SPAG16: variants seen among roughly 807,000 people sequenced by gnomAD.
The protein encoded by SPAG16 is sperm-associated antigen 16 protein.
Under a neutral mutation model 80.4 loss-of-function variants are expected in SPAG16, and 86 were observed. The ratio of observed to expected loss-of-function variants is 1.07; its 90% CI spans 0.90 to 1.28. SPAG16 has a LOEUF of 1.28. Among genes scored for constraint, SPAG16 ranks in the 50% most tolerant of loss-of-function variants. The probability of loss-of-function intolerance (pLI) is 0.00; values close to 1 mark genes in which losing one functional copy is unlikely to be tolerated. For synonymous variants in SPAG16, 294 were observed against 265.9 expected (o/e 1.11, Z -1.03); for missense variants, 870 against 765.3 (o/e 1.14, Z -1.61).
intron 10 of SPAG16, among the ~76,000 whole-genome samples, chr2:213,546,206 A>T (rs915378665): frequency 2.6e-5 from 4 of 152,040 alleles, no homozygotes; most frequent in Non-Finnish European, 5.9e-5. Context: ...CCTCTTTTGT[A>T]TCCCTCTCTG....
chr2:213,971,764 G>A (rs1193195581), intron 12 of SPAG16, among the ~76,000 whole-genome samples: 1 of 152,126 alleles, frequency 6.6e-6, no homozygotes, highest in African/African-American at 2.4e-5. Context: ...TTGAGAAACA[G>A]TGTAAGTGTT....
chr2:213,468,156 G>A (rs1478274833), intron 9 of SPAG16, among the ~76,000 whole-genome samples: 2 of 151,996 alleles, frequency 1.3e-5, no homozygotes, highest in African/African-American at 2.4e-5. Flanking sequence ...ATAGAGAGGT[G>A]TACCAAGGCT....
At chr2:214,405,987 G>A (rs1701977516) in intron 15 of SPAG16, among the ~76,000 whole-genome samples, 2 of 152,064 alleles carry the variant, frequency 1.3e-5, no homozygotes, top group African/African-American at 4.8e-5. Context: ...ACAAAGAAAT[G>A]GGCTCAAACC....
At chr2:214,204,227 G>A (rs1454509033) in intron 15 of SPAG16, among the ~76,000 whole-genome samples, 1 of 152,132 alleles carries the variant, frequency 6.6e-6, no homozygotes, top group Non-Finnish European at 1.5e-5. Flanking sequence ...CTCACCTGAT[G>A]GTCTTTCTGT....
chr2:214,052,231 A>G (rs973491316), intron 13 of SPAG16, among the ~76,000 whole-genome samples: 5 of 152,232 alleles, frequency 3.3e-5, no homozygotes, highest in African/African-American at 1.2e-4. Context: ...TACCTATTGC[A>G]GTTTTTCCTA....
At position 214,410,424 on chromosome 2, in the gene SPAG16, C is replaced by T. The variant is rs919518857; in HGVS notation, c.*109C>T. 2 of 1,045,978 alleles carry T rather than the reference C, an allele frequency of 1.9e-6. No individual in the cohort carries two copies. Among genetic ancestry groups the T allele is most frequent in the South Asian group, 3.4e-5 (2 of 58,382 alleles). The allele number at this position is 1,045,978 out of a possible 1,614,324, so 64.8% of individuals were successfully genotyped here. A position where few individuals can be genotyped will look rare whatever the true frequency, so the allele number is the denominator to read the frequency against. On this transcript the variant is annotated 3_prime_UTR_variant, in exon 16 of 16. Coordinates refer to ENST00000331683, the MANE Select transcript of SPAG16 (RefSeq NM_024532.5). Reference sequence around the variant, plus strand: ...TAAATGTGCCAGCAGGTAACATTTACAGTCTGCTTTAAAACATGCTTTGGA... The same window carrying T: ...TAAATGTGCCAGCAGGTAACATTTATAGTCTGCTTTAAAACATGCTTTGGA...
At chr2:213,296,677 A>G (rs2062512156) in intron 2 of SPAG16, among the ~76,000 whole-genome samples, 1 of 152,208 alleles carries the variant, frequency 6.6e-6, no homozygotes, top group Admixed American at 6.5e-5. Context: ...AAGAGACAGG[A>G]TGAAAATTGG....
chr2:214,077,072 G>T (rs1388713753), intron 13 of SPAG16, among the ~76,000 whole-genome samples: 1 of 152,192 alleles, frequency 6.6e-6, no homozygotes, highest in East Asian at 1.9e-4. Context: ...GGGAGGCCAA[G>T]AAGAGATTTA....
At chr2:214,241,462 A>G (rs1689477839) in intron 15 of SPAG16, 1 of 151,756 alleles carries the variant, frequency 6.6e-6, no homozygotes. Context: ...ATGCACTATT[A>G]TTTGAAGGTG....
intron 10 of SPAG16, among the ~76,000 whole-genome samples, chr2:213,663,107 A>T (rs1394817088): frequency 6.6e-6 from 1 of 152,122 alleles, no homozygotes; most frequent in African/African-American, 2.4e-5. Flanking sequence ...TGCCCAAAAA[A>T]TTAACTTTAG....
intron 6 of SPAG16, among the ~76,000 whole-genome samples, chr2:213,346,785 T>C (rs2065018039): frequency 6.6e-6 from 1 of 152,156 alleles, no homozygotes; most frequent in Non-Finnish European, 1.5e-5. Context: ...GGTTTGCCAG[T>C]ATTTTATTGA....
intron 14 of SPAG16, among the ~76,000 whole-genome samples, chr2:214,115,495 G>A (rs936737857): frequency 4.6e-5 from 7 of 152,274 alleles, no homozygotes; most frequent in African/African-American, 1.7e-4. Flanking sequence ...AGATTTGTAA[G>A]TAGGAATCAC....
At chr2:213,881,353 TC>T (rs1262123014) in intron 11 of SPAG16, among the ~76,000 whole-genome samples, 1 of 152,214 alleles carries the variant, frequency 6.6e-6, no homozygotes, top group Non-Finnish European at 1.5e-5. Flanking sequence ...ATCTATCAGT[TC>T]TAGCAGCCTT....
At chr2:214,407,141 A>T (rs974336899) in intron 15 of SPAG16, among the ~76,000 whole-genome samples, 5 of 151,996 alleles carry the variant, frequency 3.3e-5, no homozygotes, top group Non-Finnish European at 7.4e-5. Context: ...TTATAAATCA[A>T]TTTTGACCAT....
At position 214,395,295 on chromosome 2, in the gene SPAG16, A is replaced by AT. The variant is rs1444866977; in HGVS notation, c.1721-14845_1721-14844insT. ...AAGTAAACTGCTAAACCATCTTCCA[A>AT]AGTAGCTGTAACATTTTGCATCCTC... On this transcript the variant is annotated intron_variant, in intron 15 of 15. Coordinates refer to ENST00000331683, the MANE Select transcript of SPAG16 (RefSeq NM_024532.5). 4.6e-5 allele frequency among the ~76,000 whole-genome samples: 7 copies of AT among 152,338 alleles called. No individual in the cohort carries two copies. In the East Asian group the frequency reaches 1.4e-3, roughly 29 times the overall value.
At chr2:214,015,784 G>C (rs955844134) in intron 13 of SPAG16, among the ~76,000 whole-genome samples, 19 of 152,092 alleles carry the variant, frequency 1.2e-4, no homozygotes, top group African/African-American at 4.3e-4. Context: ...GTTCCATTCA[G>C]TTGGCTGGGG....
intron 10 of SPAG16, among the ~76,000 whole-genome samples, chr2:213,786,101 A>C (rs1337849738): frequency 6.6e-6 from 1 of 152,034 alleles, no homozygotes; most frequent in Non-Finnish European, 1.5e-5. Flanking sequence ...GACTATTGAT[A>C]GTCTTGATTA....
intron 15 of SPAG16, among the ~76,000 whole-genome samples, chr2:214,252,277 TCTAA>T (rs985536800): frequency 7.3e-4 from 111 of 152,106 alleles, no homozygotes; most frequent in African/African-American, 2.4e-3. Flanking sequence ...ATTTTGTAGC[TCTAA>T]CTTTGTTTTT....
chr2:213,918,920 A>G (rs1054155944), intron 11 of SPAG16, among the ~76,000 whole-genome samples: 6 of 152,070 alleles, frequency 3.9e-5, no homozygotes, highest in Non-Finnish European at 7.4e-5. Flanking sequence ...GTTTGTGCAT[A>G]GAAGTATTCG....
Sources: gnomAD v4.1 joint callset for allele counts (sites outside exome capture counted in the v4.1 genomes callset) on GRCh38, gnomAD v4.1.1 for gene constraint, MANE v1.5 for transcripts, NCBI Gene and HGNC (gene_info 2026-07-23, HGNC 2026-07-21) for gene names.